Variants in CTNNA2 observed in about 807,000 individuals in gnomAD.
The protein encoded by CTNNA2 is catenin alpha-2.
A neutral mutation model predicts 101.0 loss-of-function variants in CTNNA2; 42 were observed. The observed-to-expected ratio is 0.42, with a 90% confidence interval of 0.32 to 0.54. The LOEUF is 0.54. Among genes scored for constraint, CTNNA2 ranks in the 20% least tolerant of loss-of-function variants. The pLI, the probability that CTNNA2 is intolerant of heterozygous loss-of-function variation, is 0.14. For missense variants in CTNNA2, 871 were observed against 1,223.1 expected (o/e 0.71, Z 4.29); for synonymous variants, 450 against 456.4 (o/e 0.99, Z 0.18).
At chr2:80,638,052 T>C (rs1673064125) in intron 18 of CTNNA2, among the ~76,000 whole-genome samples, 1 of 152,208 alleles carries the variant, frequency 6.6e-6, no homozygotes, top group African/African-American at 2.4e-5. Flanking sequence ...TAGATAATTG[T>C]TCCTCTTACA....
intron 7 of CTNNA2, among the ~76,000 whole-genome samples, chr2:79,919,896 T>C (rs1252698806): frequency 6.6e-6 from 1 of 152,176 alleles, no homozygotes; most frequent in African/African-American, 2.4e-5. Context: ...GTTGGTGATG[T>C]CTCTAACACC....
chr2:79,483,951 A>G (rs1671133450), intron 4 of CTNNA2, among the ~76,000 whole-genome samples: 1 of 152,196 alleles, frequency 6.6e-6, no homozygotes, highest in Non-Finnish European at 1.5e-5. Context: ...CACCATAATG[A>G]TAAGTCCAGC....
At chr2:80,599,954 A>G (rs897223600) in intron 15 of CTNNA2, among the ~76,000 whole-genome samples, 1 of 132,908 alleles carries the variant, frequency 7.5e-6, no homozygotes, top group African/African-American at 2.9e-5. Flanking sequence ...TCAAATTTTT[A>G]TGAATATTTA....
chr2:79,746,102 T>G (rs1671626755), intron 3 of CTNNA2, among the ~76,000 whole-genome samples: 2 of 152,188 alleles, frequency 1.3e-5, no homozygotes, highest in Admixed American at 6.5e-5. Context: ...ATCATCATAA[T>G]TGTTGTGAGG....
At chr2:79,735,620 T>C (rs1011206068) in intron 2 of CTNNA2, among the ~76,000 whole-genome samples, 2 of 152,232 alleles carry the variant, frequency 1.3e-5, no homozygotes, top group Non-Finnish European at 2.9e-5. Context: ...GCTTGCCTCA[T>C]GGCCTTACTT....
At chr2:79,701,866 A>G (rs570383337) in intron 2 of CTNNA2, among the ~76,000 whole-genome samples, 2 of 151,946 alleles carry the variant, frequency 1.3e-5, no homozygotes, top group South Asian at 4.2e-4. Context: ...GCCAGGCATG[A>G]TGGTGCATAC....
intron 7 of CTNNA2, among the ~76,000 whole-genome samples, chr2:80,234,819 T>A (rs538249277): frequency 6.6e-5 from 10 of 152,314 alleles, no homozygotes; most frequent in African/African-American, 2.2e-4. Context: ...CAGATTTTTT[T>A]TTTTTTGGTA....
intron 4 of CTNNA2, among the ~76,000 whole-genome samples, chr2:79,440,190 T>G (rs1181908469): frequency 4.6e-5 from 7 of 152,188 alleles, no homozygotes; most frequent in African/African-American, 1.7e-4. Context: ...TGATCTCTTC[T>G]TTGCATATTG....
intron 12 of CTNNA2, among the ~76,000 whole-genome samples, chr2:80,559,086 C>A (rs2149668152): frequency 6.6e-6 from 1 of 152,228 alleles, no homozygotes; most frequent in East Asian, 1.9e-4. Context: ...TGTCTCTAGA[C>A]ATTGCCAGAT....
chr2:79,203,305 T>G (rs1674061433), intron 2 of CTNNA2, among the ~76,000 whole-genome samples: 1 of 152,228 alleles, frequency 6.6e-6, no homozygotes, highest in Admixed American at 6.5e-5. Flanking sequence ...TAGAAAATAA[T>G]ATTCAGAAAA....
At chr2:79,922,548 T>C (rs1686739748) in intron 7 of CTNNA2, among the ~76,000 whole-genome samples, 1 of 152,084 alleles carries the variant, frequency 6.6e-6, no homozygotes, top group Non-Finnish European at 1.5e-5. Flanking sequence ...ACCGCTGCCC[T>C]AATTTTAGGC....
At chr2:80,637,211 C>T (rs1038521623) in intron 18 of CTNNA2, among the ~76,000 whole-genome samples, 1 of 152,170 alleles carries the variant, frequency 6.6e-6, no homozygotes, top group South Asian at 2.1e-4. Flanking sequence ...ATAATAAAAG[C>T]TGAGATGTAT....
intron 2 of CTNNA2, among the ~76,000 whole-genome samples, chr2:79,200,383 CAA>C (rs34255396): frequency 6.0e-4 from 66 of 110,218 alleles, no homozygotes; most frequent in African/African-American, 1.2e-3. Context: ...GACTCCGTCT[CAA>C]AAAAAAAAAA....
intron 3 of CTNNA2, among the ~76,000 whole-genome samples, chr2:79,806,406 C>G (rs1228452890): frequency 1.3e-5 from 2 of 152,030 alleles, no homozygotes; most frequent in African/African-American, 4.8e-5. Flanking sequence ...AGAATTGATT[C>G]CTACAGTGTT....
chr2:79,565,002 C>T (rs1675017578), intron 1 of CTNNA2, among the ~76,000 whole-genome samples: 2 of 152,026 alleles, frequency 1.3e-5, no homozygotes, highest in Non-Finnish European at 2.9e-5. Flanking sequence ...TTGCAGTAAT[C>T]ATAAAGGATA....
chr2:80,194,987 A>G (rs1272421875), intron 7 of CTNNA2, among the ~76,000 whole-genome samples: 1 of 152,144 alleles, frequency 6.6e-6, no homozygotes, highest in Non-Finnish European at 1.5e-5. Context: ...TTTAATGAAA[A>G]AAATCTATAA....
intron 2 of CTNNA2, among the ~76,000 whole-genome samples, chr2:79,287,141 C>G (rs1022900308): frequency 3.9e-5 from 6 of 152,106 alleles, no homozygotes; most frequent in East Asian, 1.9e-4. Context: ...ATTGGTTATT[C>G]TAGTTATACA....
At chr2:80,592,842 G>T (rs1380401860) in intron 15 of CTNNA2, among the ~76,000 whole-genome samples, 3 of 152,088 alleles carry the variant, frequency 2.0e-5, no homozygotes, top group African/African-American at 7.2e-5. Flanking sequence ...ATATACTGAG[G>T]CATAGATTTT....
At chr2:79,749,646 T>A (rs1281273426) in intron 3 of CTNNA2, among the ~76,000 whole-genome samples, 1 of 152,180 alleles carries the variant, frequency 6.6e-6, no homozygotes, top group East Asian at 1.9e-4. Flanking sequence ...TCTTGTGAAA[T>A]CAGGAAAGCA....
Sources: allele counts gnomAD v4.1 joint callset (sites outside exome capture counted in the v4.1 genomes callset), GRCh38; gene constraint gnomAD v4.1.1; transcripts MANE v1.5; gene names NCBI Gene and HGNC (gene_info 2026-07-23, HGNC 2026-07-21).